GALNT2: variants seen among roughly 807,000 people sequenced by gnomAD.
The protein encoded by GALNT2 is polypeptide N-acetylgalactosaminyltransferase 2.
A neutral mutation model predicts 81.4 loss-of-function variants in GALNT2; 31 were observed. The ratio of observed to expected loss-of-function variants is 0.38; its 90% CI spans 0.29 to 0.51. The LOEUF (loss-of-function observed/expected upper bound fraction) is 0.51, where lower values mean the gene tolerates loss of function less well. Among genes scored for constraint, GALNT2 ranks in the 20% least tolerant of loss-of-function variants. GALNT2 has a pLI of 0.87. For missense variants in GALNT2, 629 were observed against 765.7 expected (o/e 0.82, Z 2.11); for synonymous variants, 303 against 287.4 (o/e 1.05, Z -0.55).
chr1:230,156,544 A>G (rs566046212), intron 1 of GALNT2, among the ~76,000 whole-genome samples: 1 of 152,064 alleles, frequency 6.6e-6, no homozygotes, highest in Admixed American at 6.5e-5. Flanking sequence ...CATTTTCAAC[A>G]TGCTTCCTAG....
At chr1:230,124,419 G>A (rs954696933) in intron 1 of GALNT2, among the ~76,000 whole-genome samples, 1 of 152,098 alleles carries the variant, frequency 6.6e-6, no homozygotes, top group Non-Finnish European at 1.5e-5. Flanking sequence ...ATGTCCCCTT[G>A]TCACCAGTGG....
chr1:230,267,921 C>T lies in GALNT2; in HGVS notation c.1440+2554C>T, dbSNP rs1481227546. The stretch of plus-strand genomic sequence containing the variant: ...CTCACTCAGAGGTGATGGAGGGCGC[C>T]GTGCGGTGCTGCTGTGGGTCCCGCT... On this transcript the variant is annotated intron_variant, in intron 14 of 15. Coordinates refer to ENST00000366672, the MANE Select transcript of GALNT2 (RefSeq NM_004481.5). Among the ~76,000 whole-genome samples the T allele has an allele frequency of 7.2e-5, 11 of 152,304 alleles. No individual in the cohort carries two copies. In the East Asian group the frequency reaches 1.2e-3, roughly 16 times the overall value.
chr1:230,112,378 G>C (rs955722769), intron 1 of GALNT2, among the ~76,000 whole-genome samples: 1 of 144,838 alleles, frequency 6.9e-6, no homozygotes, highest in Non-Finnish European at 1.5e-5. Flanking sequence ...CAGAGGCGCC[G>C]GGGGAGGGGG....
At chr1:230,180,711 A>C (rs932844610) in intron 2 of GALNT2, among the ~76,000 whole-genome samples, 6 of 152,192 alleles carry the variant, frequency 3.9e-5, no homozygotes, top group Non-Finnish European at 8.8e-5. Flanking sequence ...AGATTAACTG[A>C]CATTTTGACC....
intron 2 of GALNT2, among the ~76,000 whole-genome samples, chr1:230,188,634 A>T (rs1364538243): frequency 6.6e-6 from 1 of 152,174 alleles, no homozygotes; most frequent in African/African-American, 2.4e-5. Flanking sequence ...TGCTGTAAAA[A>T]TATATCTCTG....
intron 1 of GALNT2, among the ~76,000 whole-genome samples, chr1:230,172,558 G>A (rs879028917): frequency 2.0e-5 from 3 of 152,192 alleles, no homozygotes; most frequent in Non-Finnish European, 2.9e-5. Flanking sequence ...TCTGGGAAAC[G>A]AATGGTTGGA....
chr1:230,066,690 G>A (rs912121072), upstream of GALNT2, among the ~76,000 whole-genome samples: 2 of 152,208 alleles, frequency 1.3e-5, no homozygotes, highest in Admixed American at 6.5e-5. Context: ...GCCCGTTAAG[G>A]GTCTGAGGTG....
At chr1:230,059,359 G>A (rs892984728) in intron 1 of GALNT2, among the ~76,000 whole-genome samples, 3 of 152,186 alleles carry the variant, frequency 2.0e-5, no homozygotes, top group African/African-American at 4.8e-5. Context: ...TGACAGCCAC[G>A]GTGCTGAACA....
intron 2 of GALNT2, among the ~76,000 whole-genome samples, chr1:230,191,199 A>C (rs1396698880): frequency 6.6e-6 from 1 of 152,218 alleles, no homozygotes; most frequent in Non-Finnish European, 1.5e-5. Context: ...CGTGACATCC[A>C]GTGTTCTCTG....
intron 1 of GALNT2, among the ~76,000 whole-genome samples, chr1:230,081,134 G>A (rs1659714768): frequency 1.3e-5 from 2 of 152,208 alleles, no homozygotes; most frequent in African/African-American, 2.4e-5. Flanking sequence ...CTAGGTAGGT[G>A]GGTTGTTTTG....
chr1:230,067,486 C>G (rs1286925933), intron 1 of GALNT2, 80 bp downstream of exon 1: 1 of 481,824 alleles, frequency 2.1e-6, no homozygotes, highest in Non-Finnish European at 3.0e-6. Flanking sequence ...CTCTCCGCGC[C>G]GCCCCTGCGC....
chr1:230,076,568 T>C (rs910267506), intron 1 of GALNT2, among the ~76,000 whole-genome samples: 1 of 152,096 alleles, frequency 6.6e-6, no homozygotes, highest in Non-Finnish European at 1.5e-5. Context: ...GCTTCTGTGA[T>C]AGATAGTATT....
chr1:230,060,188 T>C (rs894412631), intron 1 of GALNT2, among the ~76,000 whole-genome samples: 12 of 152,224 alleles, frequency 7.9e-5, no homozygotes, highest in Non-Finnish European at 1.5e-4. Context: ...AACCACTTAC[T>C]TTACAGAATG....
intron 1 of GALNT2, among the ~76,000 whole-genome samples, chr1:230,168,167 G>T (rs1387070630): frequency 7.6e-6 from 1 of 131,452 alleles, no homozygotes; most frequent in Non-Finnish European, 1.8e-5. Flanking sequence ...AGCCATAAAA[G>T]ACTCCTTAAA....
At chr1:230,068,186 T>G (rs1241354625) in intron 1 of GALNT2, among the ~76,000 whole-genome samples, 1 of 152,228 alleles carries the variant, frequency 6.6e-6, no homozygotes, top group East Asian at 1.9e-4. Flanking sequence ...TTTAACATGC[T>G]CCAGGGGCCG....
chr1:230,097,603 T>C lies in GALNT2; in HGVS notation c.126+30197T>C, dbSNP rs1339402287. The stretch of plus-strand genomic sequence containing the variant: ...CTTTTGAAGGCTGAGTAATATTCCA[T>C]TTTGGAGGCTGAGTAATATGTACAT... On this transcript the variant is annotated intron_variant, in intron 1 of 15. Coordinates refer to ENST00000366672, the MANE Select transcript of GALNT2 (RefSeq NM_004481.5). Among the ~76,000 whole-genome samples the C allele has an allele frequency of 3.9e-5, 6 of 152,212 alleles. No individual in the cohort carries two copies. The East Asian group carries it at 1.2e-3, about 29-fold the overall frequency.
intron 1 of GALNT2, among the ~76,000 whole-genome samples, chr1:230,118,317 A>G (rs145982199): frequency 2.0e-5 from 3 of 152,242 alleles, no homozygotes; most frequent in East Asian, 3.8e-4. Context: ...GAACATTTGT[A>G]TGCAGGTTTT....
intron 1 of GALNT2, among the ~76,000 whole-genome samples, chr1:230,175,602 TC>T (rs1275686013): frequency 3.1e-5 from 1 of 32,638 alleles, no homozygotes; most frequent in African/African-American, 4.0e-4. Context: ...CCCCTCCTCG[TC>T]CTCCTCCTCC....
intron 1 of GALNT2, among the ~76,000 whole-genome samples, chr1:230,134,148 C>CG (rs1661460950): frequency 1.4e-5 from 2 of 144,446 alleles, no homozygotes; most frequent in South Asian, 4.4e-4. Flanking sequence ...CTCACTCTGT[C>CG]ACCAGGCTGG....
Sources: allele counts gnomAD v4.1 joint callset (sites outside exome capture counted in the v4.1 genomes callset), GRCh38; gene constraint gnomAD v4.1.1; transcripts MANE v1.5; gene names NCBI Gene and HGNC (gene_info 2026-07-23, HGNC 2026-07-21).